The following UBE2V1 variants were observed in gnomAD, a reference collection of about 807,000 sequenced individuals.
UBE2V1 encodes ubiquitin-conjugating enzyme E2 variant 1.
In UBE2V1, 15 loss-of-function variants were observed where a neutral mutation model predicts 19.6. That is an observed-to-expected ratio of 0.77 (90% CI 0.51 to 1.18). The LOEUF (loss-of-function observed/expected upper bound fraction) is 1.18. UBE2V1 is among the 50% of genes most tolerant of loss of function. The probability of loss-of-function intolerance (pLI) is 0.00; values close to 1 mark genes in which losing one functional copy is unlikely to be tolerated. For synonymous variants in UBE2V1, 60 were observed against 60.7 expected (o/e 0.99, Z 0.05); for missense variants, 125 against 184.8 (o/e 0.68, Z 1.88).
At chr20:50,110,710 CAG>C (rs2080696898) in intron 1 of UBE2V1, among the ~76,000 whole-genome samples, 1 of 152,170 alleles carries the variant, frequency 6.6e-6, no homozygotes, top group Non-Finnish European at 1.5e-5. Context: ...TACTTCATAC[CAG>C]ACACTTGTTT....
At chr20:50,102,481 G>A (rs969399044) in intron 1 of UBE2V1, among the ~76,000 whole-genome samples, 1 of 152,032 alleles carries the variant, frequency 6.6e-6, no homozygotes, top group Non-Finnish European at 1.5e-5. Context: ...AAGGATACCT[G>A]GTCTACCACT....
intron 2 of UBE2V1, among the ~76,000 whole-genome samples, chr20:50,094,180 A>G (rs1232885138): frequency 2.3e-5 from 2 of 86,458 alleles, no homozygotes; most frequent in Non-Finnish European, 4.2e-5. Context: ...TACATATCAT[A>G]TATGTTATAT....
At chr20:50,097,686 C>T (rs1465232827) in intron 1 of UBE2V1, among the ~76,000 whole-genome samples, 1 of 152,160 alleles carries the variant, frequency 6.6e-6, no homozygotes, top group Non-Finnish European at 1.5e-5. Context: ...CCTCCATTTT[C>T]CCTGGCATAT....
intron 1 of UBE2V1, chr20:50,111,286 C>A: frequency 1.0e-6 from 1 of 987,828 alleles, no homozygotes; most frequent in Non-Finnish European, 1.2e-6. Context: ...ATGAAGCACT[C>A]ACTTTTTAAC....
chr20:50,089,619 C>A (rs750908305), intron 2 of UBE2V1, among the ~76,000 whole-genome samples: 1 of 152,178 alleles, frequency 6.6e-6, no homozygotes, highest in Non-Finnish European at 1.5e-5. Context: ...AGTTTCCTAG[C>A]CAGCAGCAGC....
At chr20:50,104,393 C>T (rs1483127177) in intron 1 of UBE2V1, 1 of 983,740 alleles carries the variant, frequency 1.0e-6, no homozygotes, top group Non-Finnish European at 1.2e-6. Context: ...CGCGGTGGCT[C>T]ACGCCTATAA....
At chr20:50,084,396 C>G (rs755959158) in intron 2 of UBE2V1, 142 bp from the exon 3 acceptor site, 1 of 1,496,550 alleles carries the variant, frequency 6.7e-7, no homozygotes, top group South Asian at 1.1e-5. Flanking sequence ...TGTGGTAGGT[C>G]AGCAGTTCTA....
chr20:50,088,589 C>T (rs1196502070), intron 2 of UBE2V1, among the ~76,000 whole-genome samples: 1 of 152,052 alleles, frequency 6.6e-6, no homozygotes, highest in Non-Finnish European at 1.5e-5. Context: ...AGTTCAAGAC[C>T]AGCCTGGGCA....
At chr20:50,105,923 A>C (rs190415863) in intron 1 of UBE2V1, among the ~76,000 whole-genome samples, 83 of 150,644 alleles carry the variant, frequency 5.5e-4, no homozygotes, top group East Asian at 4.8e-3. Flanking sequence ...GAGACTCGTC[A>C]AAAAAAACAA....
chr20:50,083,974 C>T lies in UBE2V1; in HGVS notation c.297+155G>A, dbSNP rs544479692. 1.7e-5 allele frequency: 20 copies of T among 1,203,324 alleles called. No individual in the cohort carries two copies. The East Asian group carries it at 4.9e-4, about 30-fold the overall frequency. 74.5% of individuals were successfully genotyped at this position (1,203,324 alleles called of 1,614,324 possible). ...TCGCCAGATATAATTGGGAAACAGG[C>T]CCCATCCCAAATCTGTGCTCCTATG... On this transcript the variant is annotated intron_variant, in intron 3 of 3. Coordinates refer to ENST00000371674, the MANE Select transcript of UBE2V1 (RefSeq NM_001032288.3).
intron 1 of UBE2V1, among the ~76,000 whole-genome samples, chr20:50,101,967 T>C (rs1042811765): frequency 6.6e-6 from 1 of 152,198 alleles, no homozygotes; most frequent in Non-Finnish European, 1.5e-5. Context: ...GCCATGTTAC[T>C]ACTGGACTTT....
chr20:50,096,470 G>A, intron 2 of UBE2V1: 1 of 1,376,386 alleles, frequency 7.3e-7, no homozygotes, highest in Non-Finnish European at 9.8e-7. Flanking sequence ...AGTCTAAACA[G>A]GTTTTTGCTT....
rs11482128 is a variant in UBE2V1, at chr20:50,091,410, C to CTT, written c.171+5260_171+5261dup. 5.8e-3 allele frequency among the ~76,000 whole-genome samples: 652 copies of CTT among 112,262 alleles called. 25 individuals are homozygous for CTT. Among genetic ancestry groups the CTT allele is most frequent in the African/African-American group, 0.016 (453 of 27,774 alleles). The allele number at this position is 112,262 out of a possible 152,430, so 73.6% of individuals were successfully genotyped here. ...CATTAATCAGTCATATAACTTAAGGCTTTTTTTTTTTTTTTTTTGAGATGG... is the reference window on the plus strand; with the variant it reads ...CATTAATCAGTCATATAACTTAAGGCTTTTTTTTTTTTTTTTTTTTGAGATGG... On this transcript the variant is annotated intron_variant, in intron 2 of 3. Transcript: ENST00000371674.
At chr20:50,085,563 C>T (rs1212442116) in intron 2 of UBE2V1, among the ~76,000 whole-genome samples, 1 of 152,132 alleles carries the variant, frequency 6.6e-6, no homozygotes, top group African/African-American at 2.4e-5. Flanking sequence ...GGCATCAGTA[C>T]CCTCTCCGGC....
Position 50,083,946 on chromosome 20 carries a change from T to C in UBE2V1, c.297+183A>G. 2 of 904,226 alleles carry C rather than the reference T, an allele frequency of 2.2e-6. 1 individual carries two copies. The highest frequency in any genetic ancestry group is 4.2e-5 in the South Asian group (2 of 47,260). The allele number at this position is 904,226 out of a possible 1,614,324, so 56.0% of individuals were successfully genotyped here. On this transcript the variant is annotated intron_variant, in intron 3 of 3. Coordinates refer to ENST00000371674, the MANE Select transcript of UBE2V1 (RefSeq NM_001032288.3). The stretch of plus-strand genomic sequence containing the variant: ...TAGCCCAGGGTAAGTGCTATATGAG[T>C]GATCGCCAGATATAATTGGGAAACA...
At chr20:50,084,555 T>C in intron 2 of UBE2V1, 2 of 502,638 alleles carry the variant, frequency 4.0e-6, no homozygotes, top group Non-Finnish European at 7.8e-6. Context: ...TTTGCAGTCC[T>C]TCTCTGGGGA....
intron 2 of UBE2V1, among the ~76,000 whole-genome samples, chr20:50,089,839 T>C (rs1349013408): frequency 6.6e-6 from 1 of 152,196 alleles, no homozygotes; most frequent in Non-Finnish European, 1.5e-5. Flanking sequence ...ATGATCCTAA[T>C]AGAAAATAAA....
At chr20:50,099,570 C>T (rs1420397856) in intron 1 of UBE2V1, among the ~76,000 whole-genome samples, 1 of 152,038 alleles carries the variant, frequency 6.6e-6, no homozygotes, top group Non-Finnish European at 1.5e-5. Context: ...AATTAGGAAC[C>T]ATTTCAACTG....
chr20:50,085,608 C>T (rs899044381), intron 2 of UBE2V1, among the ~76,000 whole-genome samples: 3 of 152,178 alleles, frequency 2.0e-5, no homozygotes, highest in Non-Finnish European at 4.4e-5. Context: ...GAGTCTTGTA[C>T]TGCATAATTG....
Sources: gnomAD v4.1 joint callset for allele counts (sites outside exome capture counted in the v4.1 genomes callset) on GRCh38, gnomAD v4.1.1 for gene constraint, MANE v1.5 for transcripts, NCBI Gene and HGNC (gene_info 2026-07-23, HGNC 2026-07-21) for gene names.